The following PPP1R14D variants were observed in gnomAD, a reference collection of about 807,000 sequenced individuals.
The protein encoded by PPP1R14D is protein phosphatase 1 regulatory subunit 14D.
Under a neutral mutation model 17.1 loss-of-function variants are expected in PPP1R14D, and 14 were observed. The ratio of observed to expected loss-of-function variants is 0.82; its 90% CI spans 0.54 to 1.28. The LOEUF (loss-of-function observed/expected upper bound fraction) is 1.28. PPP1R14D is among the 50% of genes most tolerant of loss of function. The pLI is 0.00. For missense variants in PPP1R14D, 173 were observed against 179.2 expected, an observed-to-expected ratio of 0.97 and a Z score of 0.20; for synonymous variants, 67 against 66.1, an observed-to-expected ratio of 1.01 and a Z score of -0.06.
chr15:40,821,482 G>A (rs1890776183), intron 1 of PPP1R14D, among the ~76,000 whole-genome samples: 1 of 151,932 alleles, frequency 6.6e-6, no homozygotes, highest in Non-Finnish European at 1.5e-5. Context: ...CAAATGAAAT[G>A]AGCCAAAATG....
chr15:40,822,708 C>T (rs898459401), intron 1 of PPP1R14D, among the ~76,000 whole-genome samples: 2 of 152,172 alleles, frequency 1.3e-5, no homozygotes, highest in African/African-American at 2.4e-5. Flanking sequence ...CCGCCTTGGC[C>T]TCCCAAAGTG....
intron 1 of PPP1R14D, among the ~76,000 whole-genome samples, chr15:40,818,669 A>G (rs1304470349): frequency 6.6e-6 from 1 of 152,204 alleles, no homozygotes; most frequent in Non-Finnish European, 1.5e-5. Context: ...AAGTATGGCG[A>G]TAGTAAAAAG....
In PPP1R14D at chr15:40,828,663, G is replaced by C. The variant is rs760893582; in HGVS notation, c.-22C>G. ...GCATGGAAGTATTGGTCTGGGCAAG[G>C]AGCTGGGAAAAACCGCCAGTTCTGA... On this transcript the variant is annotated 5_prime_UTR_variant, in exon 1 of 4. Transcript: ENST00000299174. 1.9e-6 allele frequency: 3 copies of C among 1,583,242 alleles called. No homozygotes were observed.
chr15:40,815,785 C>A, intron 3 of PPP1R14D, 24 bp from the exon 4 acceptor site: 2 of 1,588,652 alleles, frequency 1.3e-6, no homozygotes, highest in Non-Finnish European at 8.6e-7. Flanking sequence ...AGGAGTGAGA[C>A]CAGGCTTGGG....
At position 40,816,351 on chromosome 15, in the gene PPP1R14D, A is replaced by G. The variant is rs35631022; in HGVS notation, c.256-98T>C. The stretch of plus-strand genomic sequence containing the variant: ...TCAACCCACCTCTCTCCAATTTCCC[A>G]TGGTTAGACTTTCTCCTCACTCAGA... On this transcript the variant is annotated intron_variant, in intron 1 of 3. Coordinates refer to ENST00000299174, the MANE Select transcript of PPP1R14D (RefSeq NM_017726.8). 2,184 of 952,248 alleles carry G rather than the reference A, an allele frequency of 2.3e-3. 10 individuals are homozygous for G. Among genetic ancestry groups the G allele is most frequent in the Admixed American group, 2.7e-3 (141 of 53,190 alleles). 59.0% of individuals were successfully genotyped at this position (952,248 alleles called of 1,614,324 possible).
chr15:40,822,733 G>A (rs1003548372), intron 1 of PPP1R14D, among the ~76,000 whole-genome samples: 14 of 151,788 alleles, frequency 9.2e-5, no homozygotes, highest in East Asian at 3.9e-4. Context: ...GATTACAGGC[G>A]TGAGCCACCA....
intron 1 of PPP1R14D, chr15:40,817,248 T>C: frequency 6.5e-6 from 2 of 306,718 alleles, no homozygotes; most frequent in South Asian, 2.3e-5. Context: ...TCCCAGCTAC[T>C]CCAGGAGCTG....
intron 1 of PPP1R14D, among the ~76,000 whole-genome samples, chr15:40,817,835 A>G (rs546972966): frequency 6.6e-6 from 1 of 151,098 alleles, no homozygotes; most frequent in South Asian, 2.1e-4. Flanking sequence ...CTGGTCTCAA[A>G]CTCCTGGTCT....
chr15:40,819,453 G>A (rs985120075), intron 1 of PPP1R14D, among the ~76,000 whole-genome samples: 5 of 151,598 alleles, frequency 3.3e-5, no homozygotes, highest in Admixed American at 6.6e-5. Context: ...GGAGGCTGAG[G>A]CAGGAGAATG....
Position 40,823,415 on chromosome 15 carries a change from A to T in PPP1R14D, c.255+4972T>A, listed in dbSNP as rs147125949. 7.2e-5 allele frequency among the ~76,000 whole-genome samples: 11 copies of T among 152,238 alleles called. 1 individual carries two copies. The highest frequency in any genetic ancestry group is 2.4e-4 in the African/African-American group (10 of 41,562). On this transcript the variant is annotated intron_variant, in intron 1 of 3. Transcript: ENST00000299174. The stretch of plus-strand genomic sequence containing the variant: ...AGCCACTGTACCCAGCAGGAAAAAA[A>T]GAATTTAGTGCAGCCTATGTGTACA...
intron 1 of PPP1R14D, among the ~76,000 whole-genome samples, chr15:40,825,312 G>T (rs953104244): frequency 2.6e-5 from 4 of 151,218 alleles, no homozygotes; most frequent in African/African-American, 9.7e-5. Flanking sequence ...AAGAAAGAAA[G>T]AAATAGAGGG....
intron 3 of PPP1R14D, 46 bp downstream of exon 3, chr15:40,815,916 C>G: frequency 6.2e-7 from 1 of 1,609,316 alleles, no homozygotes; most frequent in Non-Finnish European, 8.5e-7. Flanking sequence ...CTACCTCCCC[C>G]ATTGGGCCTC....
intron 1 of PPP1R14D, among the ~76,000 whole-genome samples, chr15:40,827,769 C>A (rs1365186068): frequency 1.3e-5 from 2 of 151,552 alleles, no homozygotes; most frequent in South Asian, 2.1e-4. Context: ...AAAAAAAATA[C>A]AAAAAAATTT....
Position 40,828,649 on chromosome 15 carries a change from T to C in PPP1R14D, c.-8A>G. On this transcript the variant is annotated 5_prime_UTR_variant, in exon 1 of 4. Transcript: ENST00000299174. ...AGGGCTTGAAGACAGCATGGAAGTA[T>C]TGGTCTGGGCAAGGAGCTGGGAAAA... is the stretch of plus-strand genomic sequence containing the variant. 1.2e-6 allele frequency: 2 copies of C among 1,602,558 alleles called. No homozygotes were observed. The highest frequency in any genetic ancestry group is 1.3e-5 in the African/African-American group (1 of 74,840).
At position 40,827,365 on chromosome 15, in the gene PPP1R14D, G is replaced by A. The variant is rs867000991; in HGVS notation, c.255+1022C>T. Among the ~76,000 whole-genome samples, 13 of 152,160 alleles carry A rather than the reference G, an allele frequency of 8.5e-5. No individual in the cohort carries two copies. The Middle Eastern group carries it at 0.01, about 119-fold the overall frequency. ...CTCTACTAAAAATACAAAATTAGTCGGGCACAGTGGCGCATGCCTGTAATC... is the reference window on the plus strand; with the variant it reads ...CTCTACTAAAAATACAAAATTAGTCAGGCACAGTGGCGCATGCCTGTAATC... On this transcript the variant is annotated intron_variant, in intron 1 of 3. Coordinates refer to ENST00000299174, the MANE Select transcript of PPP1R14D (RefSeq NM_017726.8).
At chr15:40,824,384 T>C (rs537355623) in intron 1 of PPP1R14D, among the ~76,000 whole-genome samples, 1 of 152,180 alleles carries the variant, frequency 6.6e-6, no homozygotes, top group South Asian at 2.1e-4. Flanking sequence ...TGTTTTTTTT[T>C]TTTTGAGATA....
rs145844368 is a variant in PPP1R14D, at chr15:40,823,268, G to A, written c.255+5119C>T. Reference sequence around the variant, plus strand: ...CATGAGCCACTGCACCTGGCCCCTGGCTAATTTTTAAAAATTTTTTTGTTG... The same window carrying A: ...CATGAGCCACTGCACCTGGCCCCTGACTAATTTTTAAAAATTTTTTTGTTG... On this transcript the variant is annotated intron_variant, in intron 1 of 3. Coordinates refer to ENST00000299174, the MANE Select transcript of PPP1R14D (RefSeq NM_017726.8). Among the ~76,000 whole-genome samples the A allele has an allele frequency of 4.7e-3, 710 of 151,602 alleles. 4 individuals are homozygous for A. The highest frequency in any genetic ancestry group is 8.4e-3 in the Non-Finnish European group (568 of 67,878).
intron 2 of PPP1R14D, 45 bp from the exon 3 acceptor site, chr15:40,816,039 T>G (rs1030263729): frequency 1.9e-6 from 3 of 1,609,816 alleles, no homozygotes; most frequent in South Asian, 1.1e-5. Flanking sequence ...CACAGCACTT[T>G]CCCGCAAGTC....
rs373986464 is a variant in PPP1R14D, at chr15:40,825,296, A to G, written c.255+3091T>C. On this transcript the variant is annotated intron_variant, in intron 1 of 3. Transcript: ENST00000299174. ...GTGAAACTCTGTCTCAAAAAAAAAA[A>G]AAAGAAAGAAAGAAAGAAATAGAGG... 2.5e-3 allele frequency among the ~76,000 whole-genome samples: 374 copies of G among 150,722 alleles called. 3 individuals carry two copies. Among genetic ancestry groups the G allele is most frequent in the African/African-American group, 7.3e-3 (295 of 40,386 alleles).
Sources: allele counts gnomAD v4.1 joint callset (sites outside exome capture counted in the v4.1 genomes callset), GRCh38; gene constraint gnomAD v4.1.1; transcripts MANE v1.5; gene names NCBI Gene and HGNC (gene_info 2026-07-23, HGNC 2026-07-21).